Variants in NRXN3 observed in about 807,000 individuals in gnomAD.
NRXN3 encodes neurexin III.
In NRXN3, 32 loss-of-function variants were observed where a neutral mutation model predicts 137.6. The observed-to-expected ratio is 0.23, with a 90% confidence interval of 0.18 to 0.31. The LOEUF (loss-of-function observed/expected upper bound fraction) is 0.31, where lower values mean the gene tolerates loss of function less well. Ranked by LOEUF, NRXN3 falls within the 10% of genes least tolerant of loss-of-function variation. NRXN3 has a pLI of 1.00. For missense variants in NRXN3, 1,574 were observed against 2,062.5 expected (o/e 0.76, Z 4.59); for synonymous variants, 798 against 784.5 (o/e 1.02, Z -0.29).
At chr14:78,940,405 A>G (rs1157621471) in intron 10 of NRXN3, among the ~76,000 whole-genome samples, 2 of 152,224 alleles carry the variant, frequency 1.3e-5, no homozygotes, top group Non-Finnish European at 2.9e-5. Context: ...CCTTAGGTAT[A>G]ATGCAAAGAA....
intron 15 of NRXN3, among the ~76,000 whole-genome samples, chr14:79,331,445 G>T (rs2091669438): frequency 6.6e-6 from 1 of 152,132 alleles, no homozygotes; most frequent in African/African-American, 2.4e-5. Flanking sequence ...GGCCCTGACT[G>T]TTATTAGACA....
In NRXN3 at chr14:78,590,726, C is replaced by T. The variant is rs552718651; in HGVS notation, c.758-54394C>T. On this transcript the variant is annotated intron_variant, in intron 4 of 20. Transcript: ENST00000335750. ...ATCAGGAGTTCAAGACCATCCTGGC[C>T]AACATGGCAAAACCTTCTCTCTACT... Among the ~76,000 whole-genome samples, 20 of 152,204 alleles carry T rather than the reference C, an allele frequency of 1.3e-4. No homozygotes were observed. In the South Asian group the frequency reaches 4.2e-3, roughly 32 times the overall value.
At chr14:79,209,708 T>C (rs2067348240) in intron 15 of NRXN3, among the ~76,000 whole-genome samples, 1 of 152,240 alleles carries the variant, frequency 6.6e-6, no homozygotes, top group Non-Finnish European at 1.5e-5. Context: ...CTCTTTCTTA[T>C]ACCAGCGATT....
chr14:79,200,232 T>A (rs943239285), intron 15 of NRXN3, among the ~76,000 whole-genome samples: 2 of 152,118 alleles, frequency 1.3e-5, no homozygotes, highest in African/African-American at 4.8e-5. Context: ...GAACTAGAGT[T>A]TGAGAGAGTC....
intron 10 of NRXN3, among the ~76,000 whole-genome samples, chr14:78,849,926 T>C (rs370031710): frequency 3.3e-5 from 5 of 152,234 alleles, no homozygotes; most frequent in African/African-American, 9.6e-5. Flanking sequence ...ACAGCAAAGA[T>C]TTCATGGAGA....
intron 4 of NRXN3, among the ~76,000 whole-genome samples, chr14:78,638,707 T>C (rs1346589922): frequency 6.6e-6 from 1 of 152,196 alleles, no homozygotes; most frequent in Admixed American, 6.5e-5. Flanking sequence ...TTCAGTATAT[T>C]GGATTCTTAG....
chr14:78,870,362 A>G (rs1337791919), intron 10 of NRXN3, among the ~76,000 whole-genome samples: 2 of 152,166 alleles, frequency 1.3e-5, no homozygotes, highest in African/African-American at 2.4e-5. Context: ...TTTGTAATCT[A>G]TAAGTTTTTT....
At chr14:79,397,391 A>T (rs1201951076) in intron 15 of NRXN3, among the ~76,000 whole-genome samples, 1 of 152,236 alleles carries the variant, frequency 6.6e-6, no homozygotes, top group Non-Finnish European at 1.5e-5. Flanking sequence ...GGTGCTAAAT[A>T]CGTGTTTATT....
At chr14:78,421,004 G>A (rs1179455378) in intron 4 of NRXN3, among the ~76,000 whole-genome samples, 2 of 152,150 alleles carry the variant, frequency 1.3e-5, no homozygotes, top group Admixed American at 6.5e-5. Flanking sequence ...TGCCCTCATC[G>A]ACATTTCTCT....
At chr14:78,392,106 A>T (rs911167454) in intron 4 of NRXN3, among the ~76,000 whole-genome samples, 1 of 152,236 alleles carries the variant, frequency 6.6e-6, no homozygotes, top group Non-Finnish European at 1.5e-5. Context: ...AAATATTGCA[A>T]AGAGCTACCG....
chr14:79,515,669 A>G (rs770294223), intron 16 of NRXN3, among the ~76,000 whole-genome samples: 2 of 150,354 alleles, frequency 1.3e-5, no homozygotes, highest in Non-Finnish European at 3.0e-5. Context: ...TTTTCTTCTT[A>G]TTTTGATTTT....
chr14:78,474,160 A>C (rs1481099911), intron 4 of NRXN3, among the ~76,000 whole-genome samples: 1 of 152,194 alleles, frequency 6.6e-6, no homozygotes, highest in Non-Finnish European at 1.5e-5. Flanking sequence ...TAGAGGACTA[A>C]TTATCATTCA....
chr14:79,333,296 C>T (rs1300751915), intron 15 of NRXN3, among the ~76,000 whole-genome samples: 1 of 152,262 alleles, frequency 6.6e-6, no homozygotes, highest in Admixed American at 6.5e-5. Context: ...CCTCCTCTCC[C>T]TTCAGTGACT....
At chr14:79,639,580 AAGAAG>A (rs2098422586) in intron 16 of NRXN3, among the ~76,000 whole-genome samples, 1 of 152,086 alleles carries the variant, frequency 6.6e-6, no homozygotes, top group African/African-American at 2.4e-5. Context: ...GGTTGAAGGG[AAGAAG>A]TGCAGGAAAG....
chr14:79,245,778 T>C (rs2075075248), intron 15 of NRXN3, among the ~76,000 whole-genome samples: 1 of 152,172 alleles, frequency 6.6e-6, no homozygotes, highest in Non-Finnish European at 1.5e-5. Context: ...AATTTCTTCC[T>C]CCTCTACTAG....
At chr14:78,776,849 A>T (rs897281640) in intron 8 of NRXN3, among the ~76,000 whole-genome samples, 1 of 152,124 alleles carries the variant, frequency 6.6e-6, no homozygotes, top group Non-Finnish European at 1.5e-5. Flanking sequence ...CCAACTGGAG[A>T]GTGTATTATA....
chr14:78,428,349 A>G (rs66647618), intron 4 of NRXN3, among the ~76,000 whole-genome samples: 17,458 of 152,086 alleles, frequency 0.11, 1,419 homozygotes, highest in African/African-American at 0.22. Flanking sequence ...TTAGGCCAAC[A>G]TCAACCCTAT....
At chr14:79,094,885 T>TA (rs544216718) in intron 15 of NRXN3, among the ~76,000 whole-genome samples, 2 of 150,672 alleles carry the variant, frequency 1.3e-5, no homozygotes, top group Admixed American at 6.6e-5. Context: ...TATCGATGAT[T>TA]AAAAAAATGA....
At chr14:79,230,655 G>C (rs925074209) in intron 15 of NRXN3, among the ~76,000 whole-genome samples, 1 of 152,114 alleles carries the variant, frequency 6.6e-6, no homozygotes, top group African/African-American at 2.4e-5. Context: ...TTCTTATTTG[G>C]TGAATTAGTA....
Sources: gnomAD v4.1 joint callset for allele counts (sites outside exome capture counted in the v4.1 genomes callset) on GRCh38, gnomAD v4.1.1 for gene constraint, MANE v1.5 for transcripts, NCBI Gene and HGNC (gene_info 2026-07-23, HGNC 2026-07-21) for gene names.